The following ARRDC5 variants were observed in gnomAD, a reference collection of about 807,000 sequenced individuals.
ARRDC5 encodes the protein arrestin domain containing 5, also known as arrestin domain-containing protein 5.
ARRDC5 carries 12 observed loss-of-function variants against 13.3 expected under a neutral mutation model. The ratio of observed to expected loss-of-function variants is 0.90; its 90% confidence interval spans 0.58 to 1.46. The LOEUF is 1.46. ARRDC5 is among the 40% of genes most tolerant of loss of function. ARRDC5 has a pLI of 0.00. For missense variants in ARRDC5, 406 were observed against 418.7 expected (o/e 0.97, Z 0.26); for synonymous variants, 181 against 173.4 (o/e 1.04, Z -0.34).
chr19:4,901,491 G>A (rs2031912207), intron 1 of ARRDC5, among the ~76,000 whole-genome samples: 1 of 151,884 alleles, frequency 6.6e-6, no homozygotes. Context: ...GCGGGTGCCT[G>A]TAATCCCAGC....
chr19:4,916,716 TTC>T, the ARRDC5 span, among the ~76,000 whole-genome samples: 1 of 152,192 alleles, frequency 6.6e-6, no homozygotes, highest in African/African-American at 2.4e-5. Flanking sequence ...CCTTCCTCCC[TTC>T]TCTCCCTCCG....
chr19:4,911,239 A>T, the ARRDC5 span, among the ~76,000 whole-genome samples: 1 of 152,060 alleles, frequency 6.6e-6, no homozygotes, highest in African/African-American at 2.4e-5. Flanking sequence ...ACAGATTGAC[A>T]CGCTGGGCTG....
At chr19:4,908,651 G>T in the ARRDC5 span, among the ~76,000 whole-genome samples, 4 of 152,202 alleles carry the variant, frequency 2.6e-5, no homozygotes, top group Non-Finnish European at 5.9e-5. Flanking sequence ...GCCCCAGTGA[G>T]AGAGTATCCT....
At chr19:4,916,368 G>A in the ARRDC5 span, among the ~76,000 whole-genome samples, 2 of 151,632 alleles carry the variant, frequency 1.3e-5, no homozygotes, top group Admixed American at 6.6e-5. Context: ...AGACAAGCGC[G>A]CCCCCTCTTT....
At chr19:4,905,570 T>G (rs1287309545), upstream of ARRDC5, among the ~76,000 whole-genome samples, 1 of 151,902 alleles carries the variant, frequency 6.6e-6, no homozygotes, top group Non-Finnish European at 1.5e-5. Flanking sequence ...CAGGCTGGAG[T>G]TCAGTGGTGC....
intron 1 of ARRDC5, among the ~76,000 whole-genome samples, chr19:4,898,004 T>C (rs923690308): frequency 1.1e-4 from 17 of 152,252 alleles, no homozygotes; most frequent in African/African-American, 3.6e-4. Context: ...GGAGGATAGC[T>C]TGAACGTGCG....
Position 4,902,875 on chromosome 19 carries a change from A to G in ARRDC5, c.-50T>C. ...TTCCTCTCTGTCCCCCATGTCCCTG[A>G]AATTCCCGGTTCGTTGGCCCTAGTG... On this transcript the variant is annotated 5_prime_UTR_variant, in exon 1 of 3. Transcript: ENST00000650722. The G allele has an allele frequency of 1.2e-6, 2 of 1,611,876 alleles. No homozygotes were observed. The highest frequency in any genetic ancestry group is 1.7e-6 in the Non-Finnish European group (2 of 1,178,688).
At chr19:4,896,350 T>TATA (rs1568395937) in intron 2 of ARRDC5, among the ~76,000 whole-genome samples, 5 of 57,646 alleles carry the variant, frequency 8.7e-5, no homozygotes, top group African/African-American at 9.7e-5. Context: ...ATATATATAT[T>TATA]TTTTTTTTTT....
chr19:4,902,725 G>C lies in ARRDC5; in HGVS notation c.101C>G (p.Thr34Ser). 2 of 1,613,994 alleles carry C rather than the reference G, an allele frequency of 1.2e-6. No homozygotes were observed. Among genetic ancestry groups the C allele is most frequent in the Non-Finnish European group, 8.5e-7 (1 of 1,179,898 alleles). The change falls in exon 1 of 3, where the codon ACC (threonine) becomes AGC (serine). Residue 34 changes from threonine (T) to serine (S), a missense_variant. Coordinates refer to ENST00000650722, the MANE Select transcript of ARRDC5 (RefSeq NM_001080523.3). Reference sequence around the variant, plus strand: ...CACCTTCACTATGGGGTCCACCAGGGTGCTGTTCAGGGTTAAGATCACCTG... The same window carrying C: ...CACCTTCACTATGGGGTCCACCAGGCTGCTGTTCAGGGTTAAGATCACCTG... ...KGQVILTLNS[T>S]LVDPIVKVEL...
chr19:4,912,421 T>C, the ARRDC5 span, among the ~76,000 whole-genome samples: 1 of 152,290 alleles, frequency 6.6e-6, no homozygotes, highest in East Asian at 1.9e-4. Context: ...CGTAGGTCAG[T>C]GGCGGGTTGG....
At chr19:4,894,960 TATTCGAAA>T (rs1437856196) in intron 2 of ARRDC5, among the ~76,000 whole-genome samples, 3 of 152,058 alleles carry the variant, frequency 2.0e-5, no homozygotes, top group Non-Finnish European at 4.4e-5. Context: ...CCTGCAGTCT[TATTCGAAA>T]ATTCGTAGCA....
Position 4,896,730 on chromosome 19 carries a change from T to C in ARRDC5, c.400A>G (p.Lys134Glu). The C allele has an allele frequency of 6.2e-7, 1 of 1,613,812 alleles. No homozygotes were observed. Among genetic ancestry groups the C allele is most frequent in the Non-Finnish European group, 8.5e-7 (1 of 1,179,796 alleles). Reference protein sequence around the residue: ...CMGREHILAKKRMYLLVQGTS... With the variant: ...CMGREHILAKERMYLLVQGTS... ...CCTTGAACCAATAAGTACATCCTCT[T>C]CTTGGCTAAAATGTGTTCCCTGCCC... The change falls in exon 2 of 3, where the codon AAG becomes GAG. Residue 134 changes from lysine to glutamate, a missense_variant. Physicochemically the swap from Lys to Glu is moderately conservative, Grantham distance 56. Transcript: ENST00000650722.
At chr19:4,898,444 C>T (rs1032684791) in intron 1 of ARRDC5, among the ~76,000 whole-genome samples, 7 of 152,018 alleles carry the variant, frequency 4.6e-5, no homozygotes, top group Non-Finnish European at 8.8e-5. Context: ...TCACTGCAAC[C>T]TCCGCCTCCT....
chr19:4,909,186 G>T, the ARRDC5 span: 10 of 408,118 alleles, frequency 2.5e-5, no homozygotes, highest in Non-Finnish European at 4.4e-5. Flanking sequence ...GGCTGCGAAC[G>T]GACTTGGACT....
chr19:4,900,208 C>A (rs1302027726), intron 1 of ARRDC5, among the ~76,000 whole-genome samples: 1 of 131,042 alleles, frequency 7.6e-6, no homozygotes, highest in Non-Finnish European at 1.5e-5. Context: ...AGTGCAGTGG[C>A]GTGATCTCGG....
chr19:4,902,983 G>C, upstream of ARRDC5: 1 of 938,992 alleles, frequency 1.1e-6, no homozygotes, highest in Non-Finnish European at 1.6e-6. Flanking sequence ...CAAAACTGTT[G>C]TTTAGGGTGG....
At chr19:4,906,426 G>A (rs941663137), upstream of ARRDC5, among the ~76,000 whole-genome samples, 1 of 152,162 alleles carries the variant, frequency 6.6e-6, no homozygotes, top group Non-Finnish European at 1.5e-5. Flanking sequence ...TATCCAAGGT[G>A]CTTAGGCTGT....
chr19:4,905,288 T>C (rs898577099), upstream of ARRDC5, among the ~76,000 whole-genome samples: 4 of 149,602 alleles, frequency 2.7e-5, no homozygotes, highest in Admixed American at 1.3e-4. Flanking sequence ...GGCTAATTTT[T>C]TTTTGTATTT....
chr19:4,894,510 C>CAAAAAAAAAAAA lies in ARRDC5; in HGVS notation c.459+2149_459+2160dup, dbSNP rs575777769. ...TGGGCGACAGAGCGAGACTCCGTCT[C>CAAAAAAAAAAAA]AAAAAAAAAAAAAAAAAAAAAAAAT... On this transcript the variant is annotated intron_variant, in intron 2 of 2. Transcript: ENST00000650722. 8.4e-4 allele frequency among the ~76,000 whole-genome samples: 23 copies of CAAAAAAAAAAAA among 27,228 alleles called. No homozygotes were observed. In the South Asian group the frequency reaches 8.6e-3, roughly 10 times the overall value. 17.9% of individuals were successfully genotyped at this position (27,228 alleles called of 152,430 possible). A position where few individuals can be genotyped will look rare whatever the true frequency, so the allele number is the denominator to read the frequency against.
Sources: allele counts gnomAD v4.1 joint callset (sites outside exome capture counted in the v4.1 genomes callset), GRCh38; gene constraint gnomAD v4.1.1; transcripts MANE v1.5; gene names NCBI Gene and HGNC (gene_info 2026-07-23, HGNC 2026-07-21).